THSD4: variants seen among roughly 807,000 people sequenced by gnomAD.
THSD4 encodes thrombospondin type 1 domain containing 4.
THSD4 carries 69 observed loss-of-function variants against 119.0 expected under a neutral mutation model. The ratio of observed to expected loss-of-function variants is 0.58; its 90% CI spans 0.48 to 0.71. THSD4 has a LOEUF of 0.71. Among genes scored for constraint, THSD4 ranks in the 30% least tolerant of loss-of-function variants. The pLI, the probability that THSD4 is intolerant of heterozygous loss-of-function variation, is 0.00. For missense variants in THSD4, 1,393 were observed against 1,391.1 expected, an observed-to-expected ratio of 1.00 and a Z score of -0.02; for synonymous variants, 524 against 540.4, an observed-to-expected ratio of 0.97 and a Z score of 0.42.
intron 6 of THSD4, among the ~76,000 whole-genome samples, chr15:71,364,902 T>C (rs961800994): frequency 6.6e-6 from 1 of 152,202 alleles, no homozygotes; most frequent in Non-Finnish European, 1.5e-5. Context: ...TTAATGGTTT[T>C]TTAAAGCTCT....
chr15:71,197,513 C>T (rs2043730819), intron 3 of THSD4, among the ~76,000 whole-genome samples: 1 of 152,170 alleles, frequency 6.6e-6, no homozygotes, highest in East Asian at 1.9e-4. Context: ...CTTTCATTTC[C>T]CAAGTTCAAC....
At chr15:71,664,599 C>G (rs1001245071) in intron 8 of THSD4, among the ~76,000 whole-genome samples, 7 of 151,946 alleles carry the variant, frequency 4.6e-5, no homozygotes, top group Admixed American at 3.9e-4. Context: ...ATTGTGTCAC[C>G]CAGGTACTAA....
intron 6 of THSD4, among the ~76,000 whole-genome samples, chr15:71,288,328 T>C (rs1034915654): frequency 2.0e-5 from 3 of 152,202 alleles, no homozygotes; most frequent in African/African-American, 7.2e-5. Flanking sequence ...CATACCTATT[T>C]GATTTGGCAA....
At chr15:71,563,419 A>G (rs1223243095) in intron 7 of THSD4, among the ~76,000 whole-genome samples, 2 of 152,204 alleles carry the variant, frequency 1.3e-5, no homozygotes, top group Non-Finnish European at 2.9e-5. Context: ...CACAAATATC[A>G]TTGAAAACAT....
At chr15:71,588,533 C>G (rs2049733474) in intron 7 of THSD4, among the ~76,000 whole-genome samples, 1 of 152,084 alleles carries the variant, frequency 6.6e-6, no homozygotes, top group Admixed American at 6.6e-5. Flanking sequence ...AGGTGATCCT[C>G]CTGCCTCAGC....
intron 6 of THSD4, among the ~76,000 whole-genome samples, chr15:71,389,810 G>GGTTTTTTTTTTTTT (rs1555408976): frequency 1.5e-4 from 13 of 87,998 alleles, no homozygotes; most frequent in African/African-American, 5.2e-4. Flanking sequence ...TTTCTGGGTT[G>GGTTTTTTTTTTTTT]TTTTTTTTTT....
At position 71,547,380 on chromosome 15, in the gene THSD4, C is replaced by T. The variant is rs1289973618; in HGVS notation, c.1153-113150C>T. ...GTTAGCACTTGGCAGACGGAGTTCT[C>T]CTCTAGGGTAGTTCTAACTTTGGGT... is the stretch of plus-strand genomic sequence containing the variant. On this transcript the variant is annotated intron_variant, in intron 7 of 17. Transcript: ENST00000261862. 2.7e-5 allele frequency: 42 copies of T among 1,550,032 alleles called. No individual in the cohort carries two copies. The Middle Eastern group carries it at 6.7e-4, about 25-fold the overall frequency.
chr15:71,116,929 T>C (rs2040367708), intron 1 of THSD4, among the ~76,000 whole-genome samples: 1 of 152,152 alleles, frequency 6.6e-6, no homozygotes, highest in South Asian at 2.1e-4. Context: ...CTTCAATTCC[T>C]ATAGATTTTT....
At chr15:71,324,304 A>T (rs958364072) in intron 6 of THSD4, among the ~76,000 whole-genome samples, 15 of 152,132 alleles carry the variant, frequency 9.9e-5, no homozygotes, top group Admixed American at 2.0e-4. Context: ...ATAATTTTTT[A>T]AAAATATTTT....
intron 8 of THSD4, among the ~76,000 whole-genome samples, chr15:71,662,163 A>G (rs1341926409): frequency 6.6e-6 from 1 of 152,186 alleles, no homozygotes; most frequent in Middle Eastern, 3.2e-3. Context: ...ACTTTCAAAT[A>G]TCAGGATCAC....
At chr15:71,764,488 C>A (rs1056103624) in intron 15 of THSD4, among the ~76,000 whole-genome samples, 3 of 152,248 alleles carry the variant, frequency 2.0e-5, no homozygotes, top group African/African-American at 7.2e-5. Flanking sequence ...TTCCCGCTGG[C>A]TGCCCTGTTG....
chr15:71,544,571 T>C (rs2048808316), intron 7 of THSD4, among the ~76,000 whole-genome samples: 1 of 152,190 alleles, frequency 6.6e-6, no homozygotes, highest in Non-Finnish European at 1.5e-5. Flanking sequence ...TGCAAAATGG[T>C]GTCACCACTA....
At chr15:71,570,722 C>A (rs2049334288) in intron 7 of THSD4, among the ~76,000 whole-genome samples, 1 of 152,158 alleles carries the variant, frequency 6.6e-6, no homozygotes. Context: ...GTTGTCTACT[C>A]CTGGGCCTGC....
chr15:71,648,036 C>T (rs974984720), intron 7 of THSD4, among the ~76,000 whole-genome samples: 13 of 152,138 alleles, frequency 8.5e-5, no homozygotes, highest in Admixed American at 2.0e-4. Flanking sequence ...TTTCTGTTGT[C>T]CCAAGAGACA....
At chr15:71,579,954 T>C (rs1029329006) in intron 7 of THSD4, among the ~76,000 whole-genome samples, 3 of 152,080 alleles carry the variant, frequency 2.0e-5, no homozygotes, top group African/African-American at 7.2e-5. Context: ...GAATTTGTCA[T>C]TCACCTAGCA....
chr15:71,390,135 A>G (rs1470675055), intron 6 of THSD4, among the ~76,000 whole-genome samples: 1 of 152,162 alleles, frequency 6.6e-6, no homozygotes, highest in Non-Finnish European at 1.5e-5. Context: ...ATTCTGGGCA[A>G]TCCCTGAATT....
chr15:71,275,951 C>T (rs533167085), intron 6 of THSD4, among the ~76,000 whole-genome samples: 1 of 152,262 alleles, frequency 6.6e-6, no homozygotes, highest in East Asian at 1.9e-4. Flanking sequence ...TGTAAATTAC[C>T]CAGTCTAGCG....
intron 6 of THSD4, among the ~76,000 whole-genome samples, chr15:71,269,265 T>G (rs1447246585): frequency 6.6e-6 from 1 of 152,190 alleles, no homozygotes; most frequent in Non-Finnish European, 1.5e-5. Context: ...TCAAGTTAAC[T>G]TCATCCCTGG....
intron 8 of THSD4, among the ~76,000 whole-genome samples, chr15:71,680,841 A>G (rs1055479946): frequency 6.6e-6 from 1 of 152,230 alleles, no homozygotes; most frequent in Non-Finnish European, 1.5e-5. Flanking sequence ...TAAATAAGGT[A>G]AAACAGGTAA....
Sources: gnomAD v4.1 joint callset for allele counts (sites outside exome capture counted in the v4.1 genomes callset) on GRCh38, gnomAD v4.1.1 for gene constraint, MANE v1.5 for transcripts, NCBI Gene and HGNC (gene_info 2026-07-23, HGNC 2026-07-21) for gene names.